The following RASAL2 variants were observed in gnomAD, a reference collection of about 807,000 sequenced individuals.
RASAL2 encodes RAS protein activator like 2.
Under a neutral mutation model 128.9 loss-of-function variants are expected in RASAL2, and 58 were observed. The ratio of observed to expected loss-of-function variants is 0.45; its 90% CI spans 0.36 to 0.56. The LOEUF (loss-of-function observed/expected upper bound fraction) is 0.56. Ranked by LOEUF, RASAL2 falls within the 20% of genes least tolerant of loss-of-function variation. The pLI is 0.00. For missense variants in RASAL2, 1,360 were observed against 1,601.6 expected (o/e 0.85, Z 2.57); for synonymous variants, 561 against 580.8 (o/e 0.97, Z 0.49).
chr1:178,406,963 G>T (rs1674041275), intron 4 of RASAL2, among the ~76,000 whole-genome samples: 1 of 151,930 alleles, frequency 6.6e-6, no homozygotes, highest in Admixed American at 6.6e-5. Context: ...GTTTTAGTTT[G>T]CTTAATAAAA....
chr1:178,219,870 T>TA (rs1436640888), intron 1 of RASAL2, among the ~76,000 whole-genome samples: 1 of 152,070 alleles, frequency 6.6e-6, no homozygotes, highest in African/African-American at 2.4e-5. Context: ...AATCTTGTGT[T>TA]AAAATGTGAC....
intron 4 of RASAL2, chr1:178,411,797 A>G (rs1674405162): frequency 7.7e-6 from 6 of 776,212 alleles, no homozygotes; most frequent in South Asian, 1.3e-5. Flanking sequence ...GCTGCCCAGG[A>G]TGTGGCCCAG....
At chr1:178,355,437 A>C (rs1215607060) in intron 3 of RASAL2, among the ~76,000 whole-genome samples, 1 of 152,218 alleles carries the variant, frequency 6.6e-6, no homozygotes, top group Non-Finnish European at 1.5e-5. Context: ...ATGGAAAAAT[A>C]AAGTGGAAGT....
intron 1 of RASAL2, among the ~76,000 whole-genome samples, chr1:178,277,648 A>G (rs1666589250): frequency 6.6e-6 from 1 of 152,216 alleles, no homozygotes; most frequent in South Asian, 2.1e-4. Flanking sequence ...ATACAGGAAA[A>G]TACAGATCTA....
At chr1:178,120,547 A>G (rs935622919) in intron 1 of RASAL2, among the ~76,000 whole-genome samples, 3 of 152,206 alleles carry the variant, frequency 2.0e-5, no homozygotes, top group East Asian at 3.9e-4. Context: ...CGGCTGTACC[A>G]TTGATGTACA....
At chr1:178,405,139 G>A (rs1007976489) in intron 4 of RASAL2, among the ~76,000 whole-genome samples, 1 of 152,230 alleles carries the variant, frequency 6.6e-6, no homozygotes, top group Non-Finnish European at 1.5e-5. Flanking sequence ...CCTTCTACAG[G>A]GGATTTGGCA....
At chr1:178,119,087 C>G (rs781020996) in intron 1 of RASAL2, among the ~76,000 whole-genome samples, 1 of 152,110 alleles carries the variant, frequency 6.6e-6, no homozygotes, top group Non-Finnish European at 1.5e-5. Flanking sequence ...AGGTTGGTCT[C>G]GAACTCCTGA....
At chr1:178,166,451 G>T (rs977745319) in intron 1 of RASAL2, among the ~76,000 whole-genome samples, 3 of 152,118 alleles carry the variant, frequency 2.0e-5, no homozygotes, top group Non-Finnish European at 4.4e-5. Context: ...TAAGCAATTA[G>T]TGTCAATTAT....
chr1:178,431,219 T>C (rs1354778642), intron 5 of RASAL2, among the ~76,000 whole-genome samples: 1 of 152,090 alleles, frequency 6.6e-6, no homozygotes, highest in Non-Finnish European at 1.5e-5. Context: ...CTAATTTACT[T>C]AATATACAAA....
chr1:178,193,110 G>A (rs536733382), intron 1 of RASAL2, among the ~76,000 whole-genome samples: 1 of 152,262 alleles, frequency 6.6e-6, no homozygotes, highest in Non-Finnish European at 1.5e-5. Context: ...TCACGTTTGA[G>A]GGAACTCATC....
intron 1 of RASAL2, among the ~76,000 whole-genome samples, chr1:178,265,220 A>G (rs1398927052): frequency 6.6e-6 from 1 of 152,140 alleles, no homozygotes; most frequent in Non-Finnish European, 1.5e-5. Flanking sequence ...AAATGGAACT[A>G]TATAGTCATG....
chr1:178,221,322 C>T (rs1028119616), intron 1 of RASAL2, among the ~76,000 whole-genome samples: 2 of 151,936 alleles, frequency 1.3e-5, no homozygotes, highest in South Asian at 2.1e-4. Context: ...ATTTAATTTG[C>T]TTTTGTTTTT....
chr1:178,151,580 G>T (rs909483029), intron 1 of RASAL2, among the ~76,000 whole-genome samples: 1 of 152,156 alleles, frequency 6.6e-6, no homozygotes, highest in African/African-American at 2.4e-5. Context: ...CAGTGACATG[G>T]TAGAACATAA....
chr1:178,421,313 TA>T (rs1378961066), intron 5 of RASAL2, among the ~76,000 whole-genome samples: 1 of 152,126 alleles, frequency 6.6e-6, no homozygotes, highest in African/African-American at 2.4e-5. Context: ...CTAAGGATAA[TA>T]TGCTTCAAAA....
intron 3 of RASAL2, among the ~76,000 whole-genome samples, chr1:178,310,677 T>C (rs1322551066): frequency 6.6e-6 from 1 of 152,154 alleles, no homozygotes; most frequent in East Asian, 1.9e-4. Flanking sequence ...AATTTGTTCT[T>C]TTATCTTCCA....
In RASAL2 at chr1:178,151,405, A is replaced by G. The variant is rs966402694; in HGVS notation, c.202+56711A>G. ...GCGCAACAGAGTGAGACTCTGTCTC[A>G]AAAATAAAATAAAATAAAATAAGGT... On this transcript the variant is annotated intron_variant, in intron 1 of 17. Coordinates refer to ENST00000367649, the MANE Select transcript of RASAL2 (RefSeq NM_170692.4). Among the ~76,000 whole-genome samples, 16 of 152,196 alleles carry G rather than the reference A, an allele frequency of 1.1e-4. 1 individual carries two copies. The highest frequency in any genetic ancestry group is 1.0e-3 in the Admixed American group (16 of 15,276).
chr1:178,400,242 C>G (rs1557958930), intron 4 of RASAL2, among the ~76,000 whole-genome samples: 1 of 152,192 alleles, frequency 6.6e-6, no homozygotes, highest in East Asian at 1.9e-4. Flanking sequence ...CTCATTTTCA[C>G]CCCCAACTCT....
intron 1 of RASAL2, among the ~76,000 whole-genome samples, chr1:178,253,713 CTGAGCCAGGA>C (rs1665170055): frequency 6.6e-6 from 1 of 152,180 alleles, no homozygotes; most frequent in Admixed American, 6.5e-5. Flanking sequence ...GGGGAGCTTT[CTGAGCCAGGA>C]TGAGCCAGGG....
intron 3 of RASAL2, chr1:178,341,414 G>T (rs779194136): frequency 3.1e-5 from 44 of 1,419,878 alleles, no homozygotes; most frequent in Non-Finnish European, 3.7e-5. Flanking sequence ...TTGGGGCGAG[G>T]ATTGAGTTTA....
Sources: allele counts gnomAD v4.1 joint callset (sites outside exome capture counted in the v4.1 genomes callset), GRCh38; gene constraint gnomAD v4.1.1; transcripts MANE v1.5; gene names NCBI Gene and HGNC (gene_info 2026-07-23, HGNC 2026-07-21).